CACNA2D1: variants seen among roughly 807,000 people sequenced by gnomAD.
CACNA2D1 encodes calcium voltage-gated channel auxiliary subunit alpha2delta 1.
In CACNA2D1, 53 loss-of-function variants were observed where a neutral mutation model predicts 171.5. The observed-to-expected ratio is 0.31, with a 90% CI of 0.25 to 0.39. CACNA2D1 has a LOEUF of 0.39. CACNA2D1 is among the 10% of genes least tolerant of loss of function. The pLI, the probability that CACNA2D1 is intolerant of heterozygous loss-of-function variation, is 1.00. For missense variants in CACNA2D1, 903 were observed against 1,299.8 expected, an observed-to-expected ratio of 0.69 and a Z score of 4.69; for synonymous variants, 442 against 443.1, an observed-to-expected ratio of 1.00 and a Z score of 0.03.
chr7:82,064,192 T>G, intron 9 of CACNA2D1, 112 bp downstream of exon 9: 1 of 647,566 alleles, frequency 1.5e-6, no homozygotes, highest in Non-Finnish European at 2.8e-6. Flanking sequence ...ATCATAATTT[T>G]TCTTTGTTTC....
intron 10 of CACNA2D1, among the ~76,000 whole-genome samples, chr7:82,056,474 C>G (rs1805921953): frequency 6.6e-6 from 1 of 152,136 alleles, no homozygotes; most frequent in Admixed American, 6.5e-5. Flanking sequence ...GATCTGTCCA[C>G]TGGAGATCAT....
chr7:82,180,676 G>C (rs1037075351), intron 3 of CACNA2D1, among the ~76,000 whole-genome samples: 1 of 152,100 alleles, frequency 6.6e-6, no homozygotes, highest in African/African-American at 2.4e-5. Context: ...TAGTCCTATG[G>C]GACGGGTAAG....
chr7:81,966,751 C>T (rs1224820859), intron 31 of CACNA2D1, among the ~76,000 whole-genome samples: 1 of 151,342 alleles, frequency 6.6e-6, no homozygotes, highest in Non-Finnish European at 1.5e-5. Context: ...TTAGTTAAAA[C>T]ATTTTTCCTG....
At chr7:82,066,332 A>T (rs939912141) in intron 8 of CACNA2D1, 123 bp downstream of exon 8, 1 of 1,308,522 alleles carries the variant, frequency 7.6e-7, no homozygotes, top group Non-Finnish European at 1.0e-6. Flanking sequence ...ACTTATTTTT[A>T]AAAATCAGAT....
intron 1 of CACNA2D1, among the ~76,000 whole-genome samples, chr7:82,370,712 G>T (rs1254518597): frequency 6.6e-6 from 1 of 151,916 alleles, no homozygotes; most frequent in East Asian, 1.9e-4. Context: ...TTATCTCTAG[G>T]TTTCTATCAC....
intron 3 of CACNA2D1, among the ~76,000 whole-genome samples, chr7:82,283,314 G>A (rs980765095): frequency 1.3e-5 from 2 of 152,110 alleles, no homozygotes; most frequent in Non-Finnish European, 2.9e-5. Context: ...AACATTAGAA[G>A]AAGACAACTC....
At chr7:82,030,542 T>C (rs1024084049) in intron 12 of CACNA2D1, among the ~76,000 whole-genome samples, 10 of 151,776 alleles carry the variant, frequency 6.6e-5, no homozygotes, top group African/African-American at 2.4e-4. Context: ...ATGCACAAAT[T>C]TGAACACAGA....
chr7:82,060,748 T>C (rs1806788513), intron 9 of CACNA2D1, among the ~76,000 whole-genome samples: 1 of 152,054 alleles, frequency 6.6e-6, no homozygotes, highest in Non-Finnish European at 1.5e-5. Context: ...ATGTGTACAT[T>C]TCTAACTGAA....
chr7:82,099,772 G>C (rs1181355499), intron 6 of CACNA2D1, among the ~76,000 whole-genome samples: 3 of 152,088 alleles, frequency 2.0e-5, no homozygotes, highest in African/African-American at 7.2e-5. Context: ...AAACAGGAAG[G>C]TAGGAGTGTG....
intron 27 of CACNA2D1, among the ~76,000 whole-genome samples, 167 bp downstream of exon 27, chr7:81,970,508 C>T (rs2130432220): frequency 6.6e-6 from 1 of 151,542 alleles, no homozygotes; most frequent in Middle Eastern, 3.4e-3. Flanking sequence ...TGTCATTTTT[C>T]AGAGAAATAA....
In CACNA2D1 at chr7:82,019,169, A is replaced by G. The variant is rs190031568; in HGVS notation, c.1144-4690T>C. 5.0e-3 allele frequency among the ~76,000 whole-genome samples: 762 copies of G among 151,558 alleles called. 7 individuals carry two copies. Among genetic ancestry groups the G allele is most frequent in the African/African-American group, 0.018 (728 of 41,276 alleles). ...ACCCCGTCTGTACTAAAAATACAAA[A>G]ATTAGCTGGGCATGGTGGCACACAC... On this transcript the variant is annotated intron_variant, in intron 12 of 38. Coordinates refer to ENST00000356860, the MANE Select transcript of CACNA2D1 (RefSeq NM_000722.4).
chr7:82,145,598 TTA>T (rs906664410), intron 4 of CACNA2D1, among the ~76,000 whole-genome samples: 5 of 138,842 alleles, frequency 3.6e-5, no homozygotes, highest in African/African-American at 1.3e-4. Context: ...TATATGTAAT[TTA>T]TATATTTTAC....
chr7:82,058,440 C>T (rs1452330500), intron 10 of CACNA2D1, among the ~76,000 whole-genome samples: 1 of 152,112 alleles, frequency 6.6e-6, no homozygotes, highest in Non-Finnish European at 1.5e-5. Context: ...TTTTAAAGAA[C>T]TATCCCAATG....
chr7:82,030,003 A>G (rs530536406), intron 12 of CACNA2D1: 7 of 151,984 alleles, frequency 4.6e-5, no homozygotes, highest in African/African-American at 1.7e-4. Context: ...TTAGCAGACA[A>G]AGAGCAGGAC....
chr7:82,406,413 T>C (rs1827052229), intron 1 of CACNA2D1, among the ~76,000 whole-genome samples: 1 of 152,192 alleles, frequency 6.6e-6, no homozygotes, highest in South Asian at 2.1e-4. Context: ...TACCCAGTAA[T>C]GGGATGGCTG....
At chr7:82,218,905 A>C (rs931101086) in intron 3 of CACNA2D1, among the ~76,000 whole-genome samples, 1 of 152,140 alleles carries the variant, frequency 6.6e-6, no homozygotes, top group South Asian at 2.1e-4. Flanking sequence ...CTATATTATC[A>C]AAATAAAAAT....
intron 31 of CACNA2D1, 99 bp downstream of exon 31, chr7:81,967,070 G>T: frequency 1.2e-6 from 1 of 801,674 alleles, no homozygotes; most frequent in Non-Finnish European, 2.0e-6. Flanking sequence ...TTTAGCCTTT[G>T]ATTAAAAAAT....
At chr7:82,322,620 A>G (rs2129440075) in intron 3 of CACNA2D1, among the ~76,000 whole-genome samples, 1 of 152,236 alleles carries the variant, frequency 6.6e-6, no homozygotes, top group African/African-American at 2.4e-5. Context: ...CCCTGTCTCA[A>G]AAAAATAATA....
intron 3 of CACNA2D1, among the ~76,000 whole-genome samples, chr7:82,305,035 A>T (rs59918008): frequency 0.18 from 27,112 of 152,010 alleles, 2,453 homozygotes; most frequent in South Asian, 0.28. Context: ...TTAATTTTTT[A>T]AAAAAGAATT....
Sources: gnomAD v4.1 joint callset for allele counts (sites outside exome capture counted in the v4.1 genomes callset) on GRCh38, gnomAD v4.1.1 for gene constraint, MANE v1.5 for transcripts, NCBI Gene and HGNC (gene_info 2026-07-23, HGNC 2026-07-21) for gene names.